Variants in ELMO1 observed in about 807,000 individuals in gnomAD.
The protein encoded by ELMO1 is engulfment and cell motility 1.
Under a neutral mutation model 98.9 loss-of-function variants are expected in ELMO1, and 26 were observed. The ratio of observed to expected loss-of-function variants is 0.26; its 90% CI spans 0.19 to 0.36. The LOEUF is 0.36. Ranked by LOEUF, ELMO1 falls within the 10% of genes least tolerant of loss-of-function variation. The pLI is 1.00. For synonymous variants in ELMO1, 346 were observed against 346.0 expected (o/e 1.00, Z 0.00); for missense variants, 627 against 935.2 (o/e 0.67, Z 4.30).
chr7:37,193,175 T>TA (rs1791744381), intron 13 of ELMO1, among the ~76,000 whole-genome samples: 2 of 151,720 alleles, frequency 1.3e-5, no homozygotes. Flanking sequence ...CCTTGTAAAG[T>TA]AAAAAATTCT....
At position 37,244,780 on chromosome 7, in the gene ELMO1, T is replaced by C. The variant is rs147599624; in HGVS notation, c.414-389A>G. On this transcript the variant is annotated intron_variant, in intron 6 of 21. Coordinates refer to ENST00000310758, the MANE Select transcript of ELMO1 (RefSeq NM_014800.11). ...AAACCACTAGACTATAAAGAAATAT[T>C]TTATTATCTTTCTTTGGTAGAATGT... Among the ~76,000 whole-genome samples the C allele has an allele frequency of 2.4e-4, 36 of 152,282 alleles. No homozygotes were observed. The East Asian group carries it at 3.7e-3, about 16-fold the overall frequency.
chr7:37,344,391 C>T (rs999360330), intron 1 of ELMO1, among the ~76,000 whole-genome samples: 6 of 152,024 alleles, frequency 3.9e-5, no homozygotes, highest in African/African-American at 1.5e-4. Flanking sequence ...TATGTTAGTA[C>T]AAAGAGAGCA....
At chr7:37,178,245 C>T (rs1156546171) in intron 13 of ELMO1, among the ~76,000 whole-genome samples, 1 of 151,980 alleles carries the variant, frequency 6.6e-6, no homozygotes, top group Non-Finnish European at 1.5e-5. Context: ...ATGTCTTACA[C>T]TACAACAGGC....
rs550732664 is a variant in ELMO1 at position 37,121,794 on chromosome 7, C to T, written c.1191+11336G>A. On this transcript the variant is annotated intron_variant, in intron 14 of 21. Transcript: ENST00000310758. Reference sequence around the variant, plus strand: ...CAGAGAACGCCACAAAGATACTCCTCGAGAAGAGCAACTCCAAGACACATA... The same window carrying T: ...CAGAGAACGCCACAAAGATACTCCTTGAGAAGAGCAACTCCAAGACACATA... 4.5e-3 allele frequency among the ~76,000 whole-genome samples: 682 copies of T among 152,180 alleles called. 11 individuals are homozygous for T. In the Middle Eastern group the frequency reaches 0.048, roughly 11 times the overall value.
chr7:36,909,066 T>C (rs981710330), intron 16 of ELMO1, among the ~76,000 whole-genome samples: 3 of 152,256 alleles, frequency 2.0e-5, no homozygotes, highest in Non-Finnish European at 4.4e-5. Context: ...TTAGAAAGCA[T>C]ATGCTTTAAA....
chr7:37,343,865 G>GTAGA (rs1218126177), intron 1 of ELMO1, among the ~76,000 whole-genome samples: 1 of 152,146 alleles, frequency 6.6e-6, no homozygotes, highest in Non-Finnish European at 1.5e-5. Context: ...GACGGACAGT[G>GTAGA]TAGAGTCTCT....
chr7:37,045,710 G>T (rs902191044), intron 15 of ELMO1, among the ~76,000 whole-genome samples: 1 of 152,166 alleles, frequency 6.6e-6, no homozygotes, highest in Non-Finnish European at 1.5e-5. Context: ...AAGGAAAATA[G>T]TTAAATACAT....
At chr7:37,155,503 A>AAAAT (rs1554427528) in intron 13 of ELMO1, among the ~76,000 whole-genome samples, 7,358 of 131,796 alleles carry the variant, frequency 0.056, 346 homozygotes, top group South Asian at 0.17. Context: ...AAAAAAAAAA[A>AAAAT]AAAAAGCAGG....
At chr7:36,982,485 T>C (rs916380690) in intron 16 of ELMO1, among the ~76,000 whole-genome samples, 11 of 152,226 alleles carry the variant, frequency 7.2e-5, no homozygotes, top group African/African-American at 2.7e-4. Flanking sequence ...GCATCATATT[T>C]CCATTGGACA....
chr7:37,417,424 G>A (rs928831900), intron 1 of ELMO1, among the ~76,000 whole-genome samples: 1 of 152,160 alleles, frequency 6.6e-6, no homozygotes, highest in Non-Finnish European at 1.5e-5. Context: ...CACTTTCGGA[G>A]GCCGAGGTGG....
intron 4 of ELMO1, among the ~76,000 whole-genome samples, chr7:37,306,608 G>C (rs1252354970): frequency 6.6e-6 from 1 of 152,194 alleles, no homozygotes; most frequent in Non-Finnish European, 1.5e-5. Context: ...AGCTGTACTT[G>C]TTAAAGATGC....
At chr7:37,091,814 C>T (rs912869548) in intron 15 of ELMO1, among the ~76,000 whole-genome samples, 29 of 152,116 alleles carry the variant, frequency 1.9e-4, no homozygotes, top group African/African-American at 5.8e-4. Context: ...TCTTACATGG[C>T]GGCAGGCAAG....
intron 19 of ELMO1, among the ~76,000 whole-genome samples, chr7:36,872,826 G>T (rs1803637980): frequency 6.6e-6 from 1 of 152,208 alleles, no homozygotes; most frequent in Admixed American, 6.5e-5. Context: ...TTCAAATAGA[G>T]TTTGAGTCAC....
chr7:36,984,448 C>G (rs1474996995), intron 16 of ELMO1, among the ~76,000 whole-genome samples: 1 of 152,182 alleles, frequency 6.6e-6, no homozygotes, highest in East Asian at 1.9e-4. Flanking sequence ...TAGAAGGTCT[C>G]TCCCAGACAC....
chr7:37,255,376 A>G (rs760899221), intron 6 of ELMO1, among the ~76,000 whole-genome samples: 1 of 152,224 alleles, frequency 6.6e-6, no homozygotes, highest in Non-Finnish European at 1.5e-5. Context: ...CAACACCTTG[A>G]TCATGGACTT....
At chr7:36,903,323 T>A (rs1340681340) in intron 16 of ELMO1, among the ~76,000 whole-genome samples, 1 of 152,172 alleles carries the variant, frequency 6.6e-6, no homozygotes, top group African/African-American at 2.4e-5. Context: ...AAAGTCAGGG[T>A]TCCTGTCCCC....
At chr7:37,029,937 G>C (rs1794783119) in intron 15 of ELMO1, among the ~76,000 whole-genome samples, 1 of 151,922 alleles carries the variant, frequency 6.6e-6, no homozygotes, top group Non-Finnish European at 1.5e-5. Flanking sequence ...TTTTTCTTCA[G>C]TCTTACTGAC....
intron 13 of ELMO1, among the ~76,000 whole-genome samples, chr7:37,182,124 C>T (rs1046120280): frequency 4.6e-5 from 7 of 152,162 alleles, no homozygotes; most frequent in Non-Finnish European, 1.0e-4. Context: ...TTGGTGTGGG[C>T]TTCCCACCGC....
intron 7 of ELMO1, among the ~76,000 whole-genome samples, chr7:37,240,441 C>T (rs1461987825): frequency 6.6e-6 from 1 of 151,450 alleles, no homozygotes; most frequent in Non-Finnish European, 1.5e-5. Context: ...CTTTTTTTTC[C>T]TAATAAATAT....
Sources: gnomAD v4.1 joint callset for allele counts (sites outside exome capture counted in the v4.1 genomes callset) on GRCh38, gnomAD v4.1.1 for gene constraint, MANE v1.5 for transcripts, NCBI Gene and HGNC (gene_info 2026-07-23, HGNC 2026-07-21) for gene names.